Variants in FRMD6 observed in about 807,000 individuals in gnomAD.
The protein encoded by FRMD6 is FERM domain containing 6, also known as FERM domain-containing protein 6.
FRMD6 carries 37 observed loss-of-function variants against 73.2 expected under a neutral mutation model. That is an observed-to-expected ratio of 0.51 (90% CI 0.39 to 0.66). The LOEUF is 0.66. Ranked by LOEUF, FRMD6 falls within the 30% of genes least tolerant of loss-of-function variation. The pLI, the probability that FRMD6 is intolerant of heterozygous loss-of-function variation, is 0.00. For missense variants in FRMD6, 714 were observed against 780.5 expected (o/e 0.91, Z 1.02); for synonymous variants, 273 against 282.2 (o/e 0.97, Z 0.33).
intron 2 of FRMD6, among the ~76,000 whole-genome samples, chr14:51,601,048 T>C (rs1390456369): frequency 1.3e-5 from 2 of 152,214 alleles, no homozygotes; most frequent in Non-Finnish European, 2.9e-5. Context: ...CACCACTTGC[T>C]TTAAGAAGCA....
chr14:51,555,731 G>GGCAGAGATTGCGGTGA (rs1299627921), intron 1 of FRMD6, among the ~76,000 whole-genome samples: 1 of 151,598 alleles, frequency 6.6e-6, no homozygotes, highest in Non-Finnish European at 1.5e-5. Context: ...GAACTTGGGA[G>GGCAGAGATTGCGGTGA]GCAGAGATTG....
the FRMD6 span, among the ~76,000 whole-genome samples, chr14:51,457,736 G>A: frequency 6.6e-6 from 1 of 152,160 alleles, no homozygotes; most frequent in Non-Finnish European, 1.5e-5. Flanking sequence ...TATTATTTAT[G>A]GGAACTTTCA....
chr14:51,479,063 T>C, the FRMD6 span, among the ~76,000 whole-genome samples: 1 of 152,176 alleles, frequency 6.6e-6, no homozygotes, highest in Admixed American at 6.5e-5. Flanking sequence ...CAACCTCCCC[T>C]ACCTTGTAGC....
intron 1 of FRMD6, among the ~76,000 whole-genome samples, chr14:51,554,302 A>T (rs1298677268): frequency 6.6e-6 from 1 of 152,206 alleles, no homozygotes; most frequent in Non-Finnish European, 1.5e-5. Context: ...TAAAAGAGAC[A>T]AATCTCCCAA....
chr14:51,516,684 A>G (rs1053531325), intron 1 of FRMD6, among the ~76,000 whole-genome samples: 2 of 152,220 alleles, frequency 1.3e-5, no homozygotes, highest in African/African-American at 4.8e-5. Flanking sequence ...AGTCTCAAAT[A>G]AACGTAAAAA....
chr14:51,474,199 C>A, the FRMD6 span, among the ~76,000 whole-genome samples: 1 of 152,204 alleles, frequency 6.6e-6, no homozygotes, highest in African/African-American at 2.4e-5. Flanking sequence ...ATTTCAATTT[C>A]ATTTCAAGTT....
chr14:51,478,927 G>C, the FRMD6 span, among the ~76,000 whole-genome samples: 1 of 152,084 alleles, frequency 6.6e-6, no homozygotes, highest in Non-Finnish European at 1.5e-5. Flanking sequence ...AAAAAAATGT[G>C]CCAGAAGAAA....
At chr14:51,535,649 C>G (rs1390597015) in intron 1 of FRMD6, among the ~76,000 whole-genome samples, 1 of 152,196 alleles carries the variant, frequency 6.6e-6, no homozygotes, top group African/African-American at 2.4e-5. Flanking sequence ...TGGGTTGTTT[C>G]CATTGTTTGG....
intron 2 of FRMD6, among the ~76,000 whole-genome samples, chr14:51,611,268 A>T (rs141048827): frequency 2.0e-4 from 30 of 152,338 alleles, no homozygotes; most frequent in African/African-American, 7.2e-4. Context: ...GTCTTATTTT[A>T]CCAGAACTTC....
chr14:51,685,183 A>G (rs569867919), intron 1 of FRMD6, among the ~76,000 whole-genome samples: 5 of 152,292 alleles, frequency 3.3e-5, no homozygotes, highest in East Asian at 1.9e-4. Flanking sequence ...TCTGAACAGT[A>G]AGTGAGTCTT....
At chr14:51,494,269 G>C (rs1039077898) in intron 1 of FRMD6, among the ~76,000 whole-genome samples, 11 of 152,158 alleles carry the variant, frequency 7.2e-5, no homozygotes, top group African/African-American at 2.7e-4. Context: ...ATATGGATGA[G>C]ATTTAAGATA....
chr14:51,519,532 G>A (rs543549482), intron 1 of FRMD6, among the ~76,000 whole-genome samples: 10 of 152,174 alleles, frequency 6.6e-5, no homozygotes, highest in Admixed American at 1.3e-4. Context: ...CTAGCAGAAA[G>A]GACAAACTCA....
chr14:51,585,944 T>TATATATATATATAC (rs1206531071), intron 2 of FRMD6, among the ~76,000 whole-genome samples: 3 of 104,244 alleles, frequency 2.9e-5, no homozygotes, highest in African/African-American at 9.5e-5. Context: ...TGTGTGTATA[T>TATATATATATATAC]ATATATATAT....
chr14:51,662,828 G>A (rs1356962503), intron 1 of FRMD6, among the ~76,000 whole-genome samples: 7 of 152,098 alleles, frequency 4.6e-5, no homozygotes, highest in African/African-American at 1.7e-4. Flanking sequence ...AAAGGAAACT[G>A]TCAACAGAGT....
intron 2 of FRMD6, among the ~76,000 whole-genome samples, chr14:51,583,735 A>G (rs1227491336): frequency 6.6e-6 from 1 of 152,196 alleles, no homozygotes; most frequent in African/African-American, 2.4e-5. Flanking sequence ...CCATGTGTAT[A>G]CACTTTCTGA....
chr14:51,572,742 A>G (rs4898698), intron 2 of FRMD6, among the ~76,000 whole-genome samples: 53,013 of 152,088 alleles, frequency 0.35, 9,964 homozygotes, highest in African/African-American at 0.51. Context: ...AATGCCTAAG[A>G]TGGTTGAAAA....
At chr14:51,443,670 C>T in the FRMD6 span, among the ~76,000 whole-genome samples, 1 of 152,304 alleles carries the variant, frequency 6.6e-6, no homozygotes, top group African/African-American at 2.4e-5. Context: ...ACTCTTCTCT[C>T]TGAAAGTCTG....
intron 1 of FRMD6, among the ~76,000 whole-genome samples, chr14:51,510,109 C>T (rs1417197296): frequency 6.6e-6 from 1 of 152,204 alleles, no homozygotes; most frequent in Non-Finnish European, 1.5e-5. Flanking sequence ...TTTCATCCAT[C>T]TTGTTGCCAT....
chr14:51,459,598 T>C, the FRMD6 span, among the ~76,000 whole-genome samples: 74 of 151,932 alleles, frequency 4.9e-4, no homozygotes, highest in Admixed American at 5.2e-4. Context: ...GAGGCCGAGG[T>C]GGGCGGATCA....
Sources: gnomAD v4.1 joint callset for allele counts (sites outside exome capture counted in the v4.1 genomes callset) on GRCh38, gnomAD v4.1.1 for gene constraint, MANE v1.5 for transcripts, NCBI Gene and HGNC (gene_info 2026-07-23, HGNC 2026-07-21) for gene names.